CSMD1: variants seen among roughly 807,000 people sequenced by gnomAD.
CSMD1 encodes the protein CUB and Sushi multiple domains 1.
A neutral mutation model predicts 417.5 loss-of-function variants in CSMD1; 213 were observed. The observed-to-expected ratio is 0.51, with a 90% CI of 0.46 to 0.57. The LOEUF (loss-of-function observed/expected upper bound fraction) is 0.57, where lower values mean the gene tolerates loss of function less well. Ranked by LOEUF, CSMD1 falls within the 20% of genes least tolerant of loss-of-function variation. The pLI is 0.00. For missense variants in CSMD1, 6,923 were observed against 4,529.7 expected, an observed-to-expected ratio of 1.53 and a Z score of -15.17; for synonymous variants, 2,862 against 1,736.8, an observed-to-expected ratio of 1.65 and a Z score of -16.11.
chr8:4,730,993 C>T (rs1312860574), intron 1 of CSMD1, among the ~76,000 whole-genome samples: 2 of 152,036 alleles, frequency 1.3e-5, no homozygotes, highest in East Asian at 3.9e-4. Context: ...CTTGGGAGTT[C>T]TATGTCATGG....
At chr8:3,957,667 A>G (rs1812049681) in intron 5 of CSMD1, among the ~76,000 whole-genome samples, 1 of 152,088 alleles carries the variant, frequency 6.6e-6, no homozygotes, top group African/African-American at 2.4e-5. Context: ...CTGGGCTATT[A>G]ACAGAGCAAG....
chr8:3,214,071 C>G (rs1251596210), intron 30 of CSMD1, among the ~76,000 whole-genome samples: 1 of 151,924 alleles, frequency 6.6e-6, no homozygotes, highest in Non-Finnish European at 1.5e-5. Context: ...GTCTCGAACT[C>G]CTAACCTCGC....
chr8:3,311,721 A>G (rs947265070), intron 23 of CSMD1, among the ~76,000 whole-genome samples: 2 of 152,216 alleles, frequency 1.3e-5, no homozygotes, highest in Admixed American at 6.5e-5. Flanking sequence ...GTGAACCATC[A>G]TAAGTTGTGG....
At chr8:3,387,104 C>A (rs914638658) in intron 18 of CSMD1, among the ~76,000 whole-genome samples, 4 of 152,118 alleles carry the variant, frequency 2.6e-5, no homozygotes, top group East Asian at 1.9e-4. Context: ...AACAAAGACA[C>A]GGACTGTAGA....
chr8:3,938,991 G>C (rs547842727), intron 5 of CSMD1, among the ~76,000 whole-genome samples: 5 of 152,144 alleles, frequency 3.3e-5, no homozygotes, highest in South Asian at 2.1e-4. Context: ...GTGTGGAATG[G>C]GGTGGGGTAG....
At chr8:4,206,143 C>T (rs1449365720) in intron 3 of CSMD1, among the ~76,000 whole-genome samples, 2 of 152,042 alleles carry the variant, frequency 1.3e-5, no homozygotes, top group Non-Finnish European at 2.9e-5. Flanking sequence ...TTTACCTTTT[C>T]CCTGGCTATT....
Position 3,118,517 on chromosome 8 carries a change from G to A in CSMD1, c.6312C>T (p.Ser2104=), listed in dbSNP as rs752068472. ...QNGYMINSDY[S]VGQSVSFECY... ...ACTCGAAAGATACTGATTGCCCCACGCTGTAATCCGAGTTGATCATGTACC... is the reference window on the plus strand; with the variant it reads ...ACTCGAAAGATACTGATTGCCCCACACTGTAATCCGAGTTGATCATGTACC... Residue 2104 remains serine, a synonymous_variant, in exon 42 of 70, where the codon AGC becomes AGT. Transcript: ENST00000635120. 12 of 1,613,692 alleles carry A rather than the reference G, an allele frequency of 7.4e-6. No individual in the cohort carries two copies. Among genetic ancestry groups the A allele is most frequent in the South Asian group, 3.3e-5 (3 of 91,090 alleles).
chr8:3,042,892 T>C lies in CSMD1; in HGVS notation c.7660+9570A>G, dbSNP rs1811201496. On this transcript the variant is annotated intron_variant, in intron 50 of 69. Coordinates refer to ENST00000635120, the MANE Select transcript of CSMD1 (RefSeq NM_033225.6). ...AGAGTACTATAGTGAATATAGTATA[T>C]GGAAACCTACAGTACAAGGTCACTA... 2.6e-5 allele frequency among the ~76,000 whole-genome samples: 4 copies of C among 152,168 alleles called. No individual in the cohort carries two copies. In the South Asian group the frequency reaches 8.3e-4, roughly 32 times the overall value.
chr8:4,175,757 G>C (rs566459284), intron 3 of CSMD1, among the ~76,000 whole-genome samples: 2 of 152,220 alleles, frequency 1.3e-5, no homozygotes, highest in East Asian at 3.9e-4. Context: ...GAAATATTAA[G>C]TTAAAAAGAT....
At chr8:4,279,013 T>C (rs1356107648) in intron 3 of CSMD1, among the ~76,000 whole-genome samples, 4 of 152,218 alleles carry the variant, frequency 2.6e-5, no homozygotes, top group Non-Finnish European at 1.5e-5. Flanking sequence ...CTGACAGTTG[T>C]TAAAGTTGAG....
At chr8:4,912,145 AGAAAG>A (rs1805728255) in intron 1 of CSMD1, among the ~76,000 whole-genome samples, 1 of 148,436 alleles carries the variant, frequency 6.7e-6, no homozygotes, top group Non-Finnish European at 1.5e-5. Flanking sequence ...AAAAAAAGAA[AGAAAG>A]AAAAGAAAAG....
intron 3 of CSMD1, among the ~76,000 whole-genome samples, chr8:4,379,792 C>A (rs994001502): frequency 6.6e-6 from 1 of 152,122 alleles, no homozygotes; most frequent in Non-Finnish European, 1.5e-5. Flanking sequence ...GTCCTCCAGT[C>A]AAAATGTTGA....
At chr8:3,750,392 T>C (rs1344602013) in intron 6 of CSMD1, among the ~76,000 whole-genome samples, 1 of 150,954 alleles carries the variant, frequency 6.6e-6, no homozygotes, top group African/African-American at 2.4e-5. Context: ...ATTCAAGTTG[T>C]TTGACAACAT....
chr8:3,857,769 G>A (rs1008696604), intron 5 of CSMD1, among the ~76,000 whole-genome samples: 1 of 152,154 alleles, frequency 6.6e-6, no homozygotes, highest in African/African-American at 2.4e-5. Flanking sequence ...AAAATGTGAA[G>A]AGAGATGCAA....
intron 1 of CSMD1, among the ~76,000 whole-genome samples, chr8:4,699,404 C>T (rs1427817348): frequency 1.3e-5 from 2 of 152,186 alleles, no homozygotes; most frequent in Non-Finnish European, 2.9e-5. Context: ...ATCACTCTAT[C>T]ATCTTTTAAT....
intron 5 of CSMD1, among the ~76,000 whole-genome samples, chr8:3,965,916 C>G (rs1812652831): frequency 6.6e-6 from 1 of 151,944 alleles, no homozygotes. Flanking sequence ...CATGCCCGGC[C>G]AATGGTTATG....
At chr8:3,794,723 C>T (rs893285090) in intron 5 of CSMD1, among the ~76,000 whole-genome samples, 8 of 152,110 alleles carry the variant, frequency 5.3e-5, no homozygotes, top group East Asian at 1.9e-4. Flanking sequence ...AAAACTCCTC[C>T]GATATCTCAC....
chr8:3,808,762 G>C (rs1800893637), intron 5 of CSMD1, among the ~76,000 whole-genome samples: 2 of 152,194 alleles, frequency 1.3e-5, no homozygotes, highest in South Asian at 4.1e-4. Flanking sequence ...AAGAACACGA[G>C]TTAGCTTTAG....
chr8:4,064,274 T>A (rs982801676), intron 3 of CSMD1, among the ~76,000 whole-genome samples: 3 of 152,184 alleles, frequency 2.0e-5, no homozygotes, highest in African/African-American at 7.2e-5. Context: ...TTCCCTTTTT[T>A]ATCGTACCAT....
Sources: gnomAD v4.1 joint callset for allele counts (sites outside exome capture counted in the v4.1 genomes callset) on GRCh38, gnomAD v4.1.1 for gene constraint, MANE v1.5 for transcripts, NCBI Gene and HGNC (gene_info 2026-07-23, HGNC 2026-07-21) for gene names.